The following CAP1 variants were observed in gnomAD, a reference collection of about 807,000 sequenced individuals.
The protein encoded by CAP1 is cyclase associated actin cytoskeleton regulatory protein 1.
In CAP1, 11 loss-of-function variants were observed where a neutral mutation model predicts 58.2. That is an observed-to-expected ratio of 0.19 (90% CI 0.12 to 0.31). The LOEUF is 0.31. Ranked by LOEUF, CAP1 falls within the 10% of genes least tolerant of loss-of-function variation. The pLI is 1.00. For missense variants in CAP1, 423 were observed against 587.5 expected (o/e 0.72, Z 2.89); for synonymous variants, 183 against 213.8 (o/e 0.86, Z 1.26).
intron 4 of CAP1, among the ~76,000 whole-genome samples, chr1:40,062,244 C>A (rs1262914335): frequency 6.6e-6 from 1 of 151,992 alleles, no homozygotes; most frequent in Admixed American, 6.6e-5. Flanking sequence ...ATTTTACTCC[C>A]ACCTCAAAAT....
At chr1:40,068,573 C>T (rs868513259) in intron 8 of CAP1, among the ~76,000 whole-genome samples, 34 of 151,942 alleles carry the variant, frequency 2.2e-4, no homozygotes, top group African/African-American at 7.2e-4. Flanking sequence ...CCACCACGCC[C>T]GGCCTCTTGA....
Position 40,072,047 on chromosome 1 carries a change from C to T in CAP1, c.*514C>T. 2.5e-6 allele frequency: 1 copy of T among 403,590 alleles called. No homozygotes were observed. The highest frequency in any genetic ancestry group is 4.4e-6 in the Non-Finnish European group (1 of 228,496). The allele number at this position is 403,590 out of a possible 1,614,324, so 25.0% of individuals were successfully genotyped here. On this transcript the variant is annotated 3_prime_UTR_variant, in exon 13 of 13. Transcript: ENST00000372805. ...GGACCAAAGGCTGAGGCTTGGCCAT[C>T]TAGCATTCCATACAAAATTGTTTCC...
chr1:40,069,614 A>G lies in CAP1; in HGVS notation c.809-76A>G. 10 of 1,323,248 alleles carry G rather than the reference A, an allele frequency of 7.6e-6. No individual in the cohort carries two copies. In the African/African-American group the frequency reaches 1.3e-4, roughly 18 times the overall value. 82.0% of individuals were successfully genotyped at this position (1,323,248 alleles called of 1,614,324 possible). ...GGTTTTGGCTTTGAATTTTCTGTTA[A>G]GGATGTTTAACATGACGATAGCAGC... On this transcript the variant is annotated intron_variant, in intron 8 of 12. Transcript: ENST00000372805.
rs1184493989 is a variant in CAP1 at position 40,070,911 on chromosome 1, G to T, written c.1276G>T (p.Asp426Tyr). Residue 426 changes from aspartate to tyrosine, a missense_variant, in exon 12 of 13, where the codon GAT becomes TAT. By Grantham distance (160) the Asp-to-Tyr change is radical. Transcript: ENST00000372805. Reference sequence around the variant, plus strand: ...TGCTTACCTGAGCAAGAATTCCCTGGATTGTGAAATAGTCAGTGCCAAATC... The same window carrying T: ...TGCTTACCTGAGCAAGAATTCCCTGTATTGTGAAATAGTCAGTGCCAAATC... Reference protein sequence around the residue: ...CHAYLSKNSLDCEIVSAKSSE... With the variant: ...CHAYLSKNSLYCEIVSAKSSE... 2.5e-6 allele frequency: 4 copies of T among 1,613,786 alleles called. No homozygotes were observed. Among genetic ancestry groups the T allele is most frequent in the African/African-American group, 1.3e-5 (1 of 74,896 alleles).
chr1:40,053,695 C>T (rs1002363019), intron 1 of CAP1, among the ~76,000 whole-genome samples: 6 of 152,204 alleles, frequency 3.9e-5, no homozygotes, highest in Non-Finnish European at 8.8e-5. Flanking sequence ...GACCCACTCA[C>T]CTCAGCCTCC....
At position 40,070,178 on chromosome 1, in the gene CAP1, C is replaced by T. The variant is rs1378546360; in HGVS notation, c.1013C>T (p.Ser338Phe). Residue 338 changes from serine (S) to phenylalanine (F), a missense_variant, in exon 10 of 13, where the codon TCC becomes TTC. Ser to Phe is a radical substitution (Grantham distance 155). Transcript: ENST00000372805. ...TAACAGGAAAATCAGGAAAATGTTT[C>T]CAACCTGGTGATTGAGGACACAGAG... The part of the protein sequence containing the change: ...KWRVENQENV[S>F]NLVIEDTELK... 1 of 1,614,004 alleles carries T rather than the reference C, an allele frequency of 6.2e-7. No individual in the cohort carries two copies. Among genetic ancestry groups the T allele is most frequent in the African/African-American group, 1.3e-5 (1 of 74,904 alleles).
chr1:40,042,160 A>G (rs1645866196), intron 1 of CAP1, among the ~76,000 whole-genome samples: 1 of 152,150 alleles, frequency 6.6e-6, no homozygotes, highest in South Asian at 2.1e-4. Flanking sequence ...TACGGGCATG[A>G]TCCACCGTGC....
In CAP1 at chr1:40,054,193, C is replaced by CTTTTTTTTT. The variant is rs398052925; in HGVS notation, c.-10-5138_-10-5130dup. Among the ~76,000 whole-genome samples the CTTTTTTTTT allele has an allele frequency of 3.0e-3, 406 of 136,334 alleles. 4 individuals carry two copies. The highest frequency in any genetic ancestry group is 0.01 in the African/African-American group (382 of 36,722). 89.4% of individuals were successfully genotyped at this position (136,334 alleles called of 152,430 possible). A position where few individuals can be genotyped will look rare whatever the true frequency, so the allele number is the denominator to read the frequency against. On this transcript the variant is annotated intron_variant, in intron 1 of 12. Coordinates refer to ENST00000372805, the MANE Select transcript of CAP1 (RefSeq NM_006367.4). ...CAAACACCTTTATTAGCCCACTGTT[C>CTTTTTTTTT]TTTTTTTTTTTTTTGGAAACATAAT...
At position 40,070,162 on chromosome 1, in the gene CAP1, A is replaced by G; in HGVS notation, c.997A>G (p.Asn333Asp). 1 of 1,614,162 alleles carries G rather than the reference A, an allele frequency of 6.2e-7. No individual in the cohort carries two copies. Among genetic ancestry groups the G allele is most frequent in the South Asian group, 1.1e-5 (1 of 91,082 alleles). The change falls in exon 10 of 13, where the codon AAT becomes GAT. Residue 333 changes from asparagine (N) to aspartate (D), a missense_variant. Physicochemically the swap from Asn to Asp is conservative, Grantham distance 23. Coordinates refer to ENST00000372805, the MANE Select transcript of CAP1 (RefSeq NM_006367.4). ...TCCTGGGATCTCTCTCTAACAGGAA[A>G]ATCAGGAAAATGTTTCCAACCTGGT... is the stretch of plus-strand genomic sequence containing the variant. ...ELEGKKWRVE[N>D]QENVSNLVIE...
At chr1:40,063,146 C>T (rs911008988) in intron 4 of CAP1, among the ~76,000 whole-genome samples, 1 of 151,696 alleles carries the variant, frequency 6.6e-6, no homozygotes, top group South Asian at 2.1e-4. Flanking sequence ...ACAGTGTGCA[C>T]CACCATGCCT....
intron 1 of CAP1, among the ~76,000 whole-genome samples, chr1:40,056,370 A>G (rs1646618134): frequency 6.6e-6 from 1 of 150,630 alleles, no homozygotes; most frequent in Admixed American, 6.6e-5. Flanking sequence ...ATCACTACTC[A>G]TTGCATCCTC....
intron 8 of CAP1, among the ~76,000 whole-genome samples, chr1:40,068,853 A>T (rs1160513074): frequency 1.3e-5 from 2 of 151,710 alleles, no homozygotes; most frequent in Non-Finnish European, 2.9e-5. Context: ...TTTTTTTGAG[A>T]TGGGAGTCTC....
At chr1:40,045,168 T>G (rs1201054802) in intron 1 of CAP1, among the ~76,000 whole-genome samples, 3 of 152,166 alleles carry the variant, frequency 2.0e-5, no homozygotes, top group African/African-American at 7.2e-5. Context: ...CCAATAAGAC[T>G]TCCTCAGTTG....
chr1:40,043,964 T>G (rs1035271454), intron 1 of CAP1, among the ~76,000 whole-genome samples: 2 of 152,162 alleles, frequency 1.3e-5, no homozygotes, highest in South Asian at 2.1e-4. Context: ...TCAGAGAAGT[T>G]TAAATAAAAT....
At position 40,060,008 on chromosome 1, in the gene CAP1, G is replaced by C. The variant is rs180873268; in HGVS notation, c.113-59G>C. 6.4e-6 allele frequency: 9 copies of C among 1,412,970 alleles called. No individual in the cohort carries two copies. In the East Asian group the frequency reaches 1.8e-4, roughly 29 times the overall value. 87.5% of individuals were successfully genotyped at this position (1,412,970 alleles called of 1,614,324 possible). A position where few individuals can be genotyped will look rare whatever the true frequency, so the allele number is the denominator to read the frequency against. On this transcript the variant is annotated intron_variant, in intron 2 of 12. Transcript: ENST00000372805. ...CCTCCCCACTTTCATGTAGAAGCACGTTTTAAAGAAGCCTCCTTCTGATGC... is the reference window on the plus strand; with the variant it reads ...CCTCCCCACTTTCATGTAGAAGCACCTTTTAAAGAAGCCTCCTTCTGATGC...
At position 40,045,709 on chromosome 1, in the gene CAP1, C is replaced by T. The variant is rs138401777; in HGVS notation, c.-11+4908C>T. On this transcript the variant is annotated intron_variant, in intron 1 of 12. Transcript: ENST00000372805. ...TAGCTGGGACTAGAGGCACACACCA[C>T]CACACTCAGCTAATTTTTGTATTTT... is the stretch of plus-strand genomic sequence containing the variant. Among the ~76,000 whole-genome samples the T allele has an allele frequency of 1.1e-3, 160 of 152,320 alleles. 2 individuals carry two copies. The highest frequency in any genetic ancestry group is 3.4e-3 in the African/African-American group (140 of 41,564).
In CAP1 at chr1:40,060,128, C is replaced by T; in HGVS notation, c.174C>T (p.Tyr58=). 1 of 1,613,738 alleles carries T rather than the reference C, an allele frequency of 6.2e-7. No individual in the cohort carries two copies. Among genetic ancestry groups the T allele is most frequent in the African/African-American group, 1.3e-5 (1 of 75,026 alleles). The change falls in exon 3 of 13, where the codon TAC becomes TAT. Residue 58 remains tyrosine (Y), a synonymous_variant. Coordinates refer to ENST00000372805, the MANE Select transcript of CAP1 (RefSeq NM_006367.4). ...DSLLAGPVAE[Y]LKISKEIGGD... Reference sequence around the variant, plus strand: ...TGCTTGCTGGTCCTGTGGCAGAGTACTTGAAGATCAGTAAAGAGATTGGGG... The same window carrying T: ...TGCTTGCTGGTCCTGTGGCAGAGTATTTGAAGATCAGTAAAGAGATTGGGG...
In CAP1 at chr1:40,069,690, C is replaced by T. The variant is rs201835889; in HGVS notation, c.809C>T (p.Ala270Val). The change falls in exon 9 of 13, where the codon GCC (alanine) becomes GTC (valine). Residue 270 changes from alanine (A) to valine (V), a missense_variant and splice_region_variant. Coordinates refer to ENST00000372805, the MANE Select transcript of CAP1 (RefSeq NM_006367.4). ...AACAAGGTAGCTGTTGTTCTTACAGCCCTGAAACATGTATCTGATGACATG... is the reference window on the plus strand; with the variant it reads ...AACAAGGTAGCTGTTGTTCTTACAGTCCTGAAACATGTATCTGATGACATG... ...QINQGESITH[A>V]LKHVSDDMKT... The T allele has an allele frequency of 1.6e-5, 25 of 1,612,844 alleles. No homozygotes were observed. The highest frequency in any genetic ancestry group is 2.1e-5 in the Non-Finnish European group (25 of 1,179,358).
chr1:40,044,716 C>T (rs538695430), intron 1 of CAP1, among the ~76,000 whole-genome samples: 2 of 151,850 alleles, frequency 1.3e-5, no homozygotes, highest in South Asian at 2.1e-4. Flanking sequence ...TTTTGCACCT[C>T]CCTATGCTCC....
Sources: gnomAD v4.1 joint callset for allele counts (sites outside exome capture counted in the v4.1 genomes callset) on GRCh38, gnomAD v4.1.1 for gene constraint, MANE v1.5 for transcripts, NCBI Gene and HGNC (gene_info 2026-07-23, HGNC 2026-07-21) for gene names.